Variants in MAP1LC3B observed in about 807,000 individuals in gnomAD.
MAP1LC3B encodes the protein microtubule associated protein 1 light chain 3 beta, also known as microtubule-associated protein 1 light chain 3 beta.
MAP1LC3B carries 12 observed loss-of-function variants against 16.7 expected under a neutral mutation model. The observed-to-expected ratio is 0.72, with a 90% confidence interval of 0.46 to 1.16. The LOEUF is 1.16. Ranked by LOEUF, MAP1LC3B falls within the 50% of genes most tolerant of loss-of-function variation. The probability of loss-of-function intolerance (pLI) is 0.00; values close to 1 mark genes in which losing one functional copy is unlikely to be tolerated. For synonymous variants in MAP1LC3B, 63 were observed against 56.5 expected (o/e 1.11, Z -0.51); for missense variants, 155 against 159.5 (o/e 0.97, Z 0.15).
chr16:87,403,820 A>G lies in MAP1LC3B; in HGVS notation c.*723A>G, dbSNP rs1434037190. The G allele has an allele frequency of 1.3e-5, 2 of 152,246 alleles. No homozygotes were observed. Among genetic ancestry groups the G allele is most frequent in the Non-Finnish European group, 2.9e-5 (2 of 68,054 alleles). The allele number at this position is 152,246 out of a possible 1,614,324, so 9.4% of individuals were successfully genotyped here. A position where few individuals can be genotyped will look rare whatever the true frequency, so the allele number is the denominator to read the frequency against. On this transcript the variant is annotated 3_prime_UTR_variant, in exon 4 of 4. Transcript: ENST00000268607. Reference sequence around the variant, plus strand: ...ATTTATAATTTTGATCGAGTTTCTTAAAAGACCCTGGAGAAAGAGTGGCAT... The same window carrying G: ...ATTTATAATTTTGATCGAGTTTCTTGAAAGACCCTGGAGAAAGAGTGGCAT...
At chr16:87,399,085 A>C (rs1243832413) in intron 2 of MAP1LC3B, 2 of 543,926 alleles carry the variant, frequency 3.7e-6, no homozygotes, top group Non-Finnish European at 6.6e-6. Context: ...AGCTCAGTGC[A>C]GTCTCAGCCA....
chr16:87,397,962 G>T (rs1329213014), intron 1 of MAP1LC3B, among the ~76,000 whole-genome samples: 2 of 147,934 alleles, frequency 1.4e-5, no homozygotes, highest in African/African-American at 5.0e-5. Context: ...TCCCTGTATT[G>T]CCCACAGTCT....
intron 1 of MAP1LC3B, chr16:87,393,464 T>C (rs1182998285): frequency 6.6e-6 from 1 of 152,168 alleles, no homozygotes; most frequent in East Asian, 1.9e-4. Flanking sequence ...TTTCCCGGAG[T>C]CTAGAAAGAG....
At chr16:87,400,644 A>G (rs1337386111) in intron 2 of MAP1LC3B, among the ~76,000 whole-genome samples, 3 of 152,144 alleles carry the variant, frequency 2.0e-5, no homozygotes, top group Non-Finnish European at 4.4e-5. Context: ...TAGTGTGGAA[A>G]AACATTGAGC....
intron 1 of MAP1LC3B, among the ~76,000 whole-genome samples, chr16:87,396,325 A>C (rs1907801201): frequency 6.6e-6 from 1 of 151,248 alleles, no homozygotes; most frequent in South Asian, 2.1e-4. Flanking sequence ...AATACAAAAA[A>C]TTAGCCGGGC....
At chr16:87,398,708 C>T in intron 1 of MAP1LC3B, 107 bp from the exon 2 acceptor site, 1 of 931,196 alleles carries the variant, frequency 1.1e-6, no homozygotes, top group Non-Finnish European at 1.7e-6. Context: ...CTTCAGTGTT[C>T]TGCTGTGCCA....
At chr16:87,396,804 T>C (rs1408746468) in intron 1 of MAP1LC3B, 3 of 152,138 alleles carry the variant, frequency 2.0e-5, no homozygotes, top group African/African-American at 7.2e-5. Context: ...CTGTTAACAA[T>C]AGCGAAATTT....
rs74578121 is a variant in MAP1LC3B at position 87,404,181 on chromosome 16, C to A, written c.*1084C>A. 17 of 152,140 alleles carry A rather than the reference C, an allele frequency of 1.1e-4. No homozygotes were observed. Among genetic ancestry groups the A allele is most frequent in the African/African-American group, 4.1e-4 (17 of 41,416 alleles). The allele number at this position is 152,140 out of a possible 1,614,324, so 9.4% of individuals were successfully genotyped here. The stretch of plus-strand genomic sequence containing the variant: ...AGAAAACATAGCAAAAAGAGCCGTA[C>A]GCTCTTTACAGATACTAATGTCAAG... On this transcript the variant is annotated 3_prime_UTR_variant, in exon 4 of 4. Coordinates refer to ENST00000268607, the MANE Select transcript of MAP1LC3B (RefSeq NM_022818.5).
intron 2 of MAP1LC3B, among the ~76,000 whole-genome samples, chr16:87,400,823 A>C (rs1907965327): frequency 6.6e-6 from 1 of 151,694 alleles, no homozygotes; most frequent in African/African-American, 2.4e-5. Flanking sequence ...CTCCCAAAAC[A>C]CATGCATTTA....
intron 1 of MAP1LC3B, 101 bp downstream of exon 1, chr16:87,392,568 G>C (rs1188255075): frequency 9.0e-7 from 1 of 1,115,880 alleles, no homozygotes. Flanking sequence ...GCCGAGCCGG[G>C]AGGCCGAGCG....
chr16:87,398,875 G>A lies in MAP1LC3B; in HGVS notation c.96+5G>A, dbSNP rs1195473802. ...CAGCATCCAACCAAAATCCCGGTAG[G>A]TAGTCTCAGGCCTCGGTTTCAGTCA... On this transcript the variant is annotated splice_donor_5th_base_variant and intron_variant, in intron 2 of 3. Coordinates refer to ENST00000268607, the MANE Select transcript of MAP1LC3B (RefSeq NM_022818.5). 6.2e-7 allele frequency: 1 copy of A among 1,613,606 alleles called. No individual in the cohort carries two copies. The highest frequency in any genetic ancestry group is 1.7e-5 in the Admixed American group (1 of 60,024).
rs1908115420 is a variant in MAP1LC3B, at chr16:87,404,646, GCT to G, written c.*1550_*1551del. On this transcript the variant is annotated 3_prime_UTR_variant, in exon 4 of 4. Transcript: ENST00000268607. ...CAGTAAGATTCCTGTAAGAAATACT[GCT>G]TTTTAAGAAAAAAAATAACATGCTG... is the stretch of plus-strand genomic sequence containing the variant. The G allele has an allele frequency of 6.6e-6, 1 of 152,098 alleles. No homozygotes were observed. The highest frequency in any genetic ancestry group is 2.4e-5 in the African/African-American group (1 of 41,408). 9.4% of individuals were successfully genotyped at this position (152,098 alleles called of 1,614,324 possible).
At chr16:87,402,738 TTCAGTGATTATAGC>T in intron 3 of MAP1LC3B, 171 bp from the exon 4 acceptor site, 1 of 723,230 alleles carries the variant, frequency 1.4e-6, no homozygotes, top group Non-Finnish European at 2.2e-6. Context: ...TATGTAATCT[TTCAGTGATTATAGC>T]TCATGTCAAT....
intron 2 of MAP1LC3B, chr16:87,399,249 A>C: frequency 3.8e-6 from 1 of 260,890 alleles, no homozygotes; most frequent in Middle Eastern, 1.4e-3. Context: ...CTGGGCTCAA[A>C]TGATCCTCCA....
In MAP1LC3B at chr16:87,402,086, C is replaced by T. The variant is rs186480988; in HGVS notation, c.97-89C>T. 2.3e-3 allele frequency: 2,923 copies of T among 1,285,948 alleles called. 51 individuals are homozygous for T. In the African/African-American group the frequency reaches 0.039, roughly 17 times the overall value. 79.7% of individuals were successfully genotyped at this position (1,285,948 alleles called of 1,614,324 possible). ...TCCTGACCTCGTGATGTGCCCGCCT[C>T]GGCCTCCCAAAATGCTGGGGTTACA... On this transcript the variant is annotated intron_variant, in intron 2 of 3. Transcript: ENST00000268607.
chr16:87,397,683 T>C (rs1290701562), intron 1 of MAP1LC3B, among the ~76,000 whole-genome samples: 1 of 152,186 alleles, frequency 6.6e-6, no homozygotes, highest in Admixed American at 6.5e-5. Context: ...TAGAGTAACG[T>C]CATATTTATG....
chr16:87,396,626 C>T (rs1415218559), intron 1 of MAP1LC3B: 4 of 152,120 alleles, frequency 2.6e-5, no homozygotes, highest in Non-Finnish European at 5.9e-5. Context: ...ACCCTATACA[C>T]TGAATCCACA....
In MAP1LC3B at chr16:87,403,393, A is replaced by G. The variant is rs554518054; in HGVS notation, c.*296A>G. 1.4e-3 allele frequency: 318 copies of G among 234,048 alleles called. 1 individual carries two copies. The highest frequency in any genetic ancestry group is 6.8e-3 in the African/African-American group (295 of 43,462). 14.5% of individuals were successfully genotyped at this position (234,048 alleles called of 1,614,324 possible). On this transcript the variant is annotated 3_prime_UTR_variant, in exon 4 of 4. Coordinates refer to ENST00000268607, the MANE Select transcript of MAP1LC3B (RefSeq NM_022818.5). ...AAGTTGCCAATAAAATAGACCTTCA[A>G]GTTATTTTAATGCTCTTTTCTCACT...
Position 87,398,803 on chromosome 16 carries a change from A to G in MAP1LC3B, c.41-12A>G, listed in dbSNP as rs1907889945. 1 of 1,613,952 alleles carries G rather than the reference A, an allele frequency of 6.2e-7. No homozygotes were observed. The highest frequency in any genetic ancestry group is 8.5e-7 in the Non-Finnish European group (1 of 1,179,826). ...CCCTTAGTAATGCTTCTGTCTCTTC[A>G]TTTCATTGCAGAACAAAGAGTAGAA... On this transcript the variant is annotated splice_polypyrimidine_tract_variant and intron_variant, in intron 1 of 3. Coordinates refer to ENST00000268607, the MANE Select transcript of MAP1LC3B (RefSeq NM_022818.5).
Sources: allele counts gnomAD v4.1 joint callset (sites outside exome capture counted in the v4.1 genomes callset), GRCh38; gene constraint gnomAD v4.1.1; transcripts MANE v1.5; gene names NCBI Gene and HGNC (gene_info 2026-07-23, HGNC 2026-07-21).